Variants in CNTNAP4 observed in about 807,000 individuals in gnomAD.
CNTNAP4 encodes contactin associated protein family member 4.
In CNTNAP4, 98 loss-of-function variants were observed where a neutral mutation model predicts 148.4. That is an observed-to-expected ratio of 0.66 (90% CI 0.56 to 0.78). The LOEUF (loss-of-function observed/expected upper bound fraction) is 0.78. CNTNAP4 is among the 30% of genes least tolerant of loss of function. The pLI is 0.00. For missense variants in CNTNAP4, 1,935 were observed against 1,565.6 expected (o/e 1.24, Z -3.98); for synonymous variants, 730 against 565.1 (o/e 1.29, Z -4.14).
intron 11 of CNTNAP4, among the ~76,000 whole-genome samples, chr16:76,476,602 T>C (rs554277800): frequency 2.0e-5 from 3 of 152,276 alleles, no homozygotes; most frequent in African/African-American, 7.2e-5. Flanking sequence ...GCTGAGAAGT[T>C]CAAGATCAAG....
In CNTNAP4 at chr16:76,553,451, C is replaced by T; in HGVS notation, c.3611C>T (p.Ala1204Val). 1.2e-6 allele frequency: 2 copies of T among 1,612,468 alleles called. No individual in the cohort carries two copies. Among genetic ancestry groups the T allele is most frequent in the Non-Finnish European group, 8.5e-7 (1 of 1,179,300 alleles). Residue 1204 changes from alanine (A) to valine (V), a missense_variant, in exon 22 of 24, where the codon GCC becomes GTC. By Grantham distance (64) the Ala-to-Val change is moderately conservative (BLOSUM62 0). Transcript: ENST00000611870. ...CACGTGACTGAGTCCAGCTGTATGGCCCAGCCTGGCACTGATGCCACATCA... is the reference window on the plus strand; with the variant it reads ...CACGTGACTGAGTCCAGCTGTATGGTCCAGCCTGGCACTGATGCCACATCA... ...TGHVTESSCM[A>V]QPGTDATSRE...
rs960862397 is a variant in CNTNAP4 at position 76,499,063 on chromosome 16, CA to C, written c.2365+371del. Among the ~76,000 whole-genome samples the C allele has an allele frequency of 1.1e-4, 12 of 105,702 alleles. No individual in the cohort carries two copies. In the South Asian group the frequency reaches 3.9e-3, roughly 34 times the overall value. 69.3% of individuals were successfully genotyped at this position (105,702 alleles called of 152,430 possible). A position where few individuals can be genotyped will look rare whatever the true frequency, so the allele number is the denominator to read the frequency against. On this transcript the variant is annotated intron_variant, in intron 15 of 23. Transcript: ENST00000611870. ...TTCAAATTTTATGTATCTTTTACCA[CA>C]ATTTTTTTTTTTTTTTTTTTTGAGA... is the stretch of plus-strand genomic sequence containing the variant.
intron 15 of CNTNAP4, among the ~76,000 whole-genome samples, chr16:76,500,232 T>TG (rs1361740456): frequency 1.3e-5 from 2 of 151,832 alleles, no homozygotes; most frequent in African/African-American, 2.4e-5. Context: ...TGGCAGGGGC[T>TG]GCCCCCACCT....
At chr16:76,538,413 G>C in intron 19 of CNTNAP4, 73 bp downstream of exon 19, 1 of 1,153,118 alleles carries the variant, frequency 8.7e-7, no homozygotes, top group South Asian at 1.4e-5. Context: ...GATCATTCTC[G>C]TGTTCTGGCT....
intron 1 of CNTNAP4, among the ~76,000 whole-genome samples, chr16:76,314,704 C>G (rs563503911): frequency 2.7e-4 from 41 of 152,240 alleles, no homozygotes; most frequent in African/African-American, 9.9e-4. Flanking sequence ...AGGAATACCT[C>G]ACTTTCTGGG....
chr16:76,493,137 G>C (rs2082284166), intron 13 of CNTNAP4, among the ~76,000 whole-genome samples: 1 of 152,124 alleles, frequency 6.6e-6, no homozygotes, highest in South Asian at 2.1e-4. Context: ...AGTTAAAAGA[G>C]ACAGAACAAT....
At chr16:76,353,008 GCTTTATAAGCAT>G (rs1597290426) in intron 2 of CNTNAP4, among the ~76,000 whole-genome samples, 1 of 152,242 alleles carries the variant, frequency 6.6e-6, no homozygotes, top group East Asian at 1.9e-4. Flanking sequence ...AGAATATTCT[GCTTTATAAGCAT>G]AAAGGTAGAT....
Position 76,452,512 on chromosome 16 carries a change from A to G in CNTNAP4, c.1076A>G (p.Asn359Ser). ...QQKPQIIAMG[N>S]VSFSCSQPQS... is the part of the protein sequence containing the mutation. Reference sequence around the variant, plus strand: ...TTTCTTTTACTTTATTCTCAGGGAAATGTGTCATTTTCTTGTTCACAACCA... The same window carrying G: ...TTTCTTTTACTTTATTCTCAGGGAAGTGTGTCATTTTCTTGTTCACAACCA... Residue 359 changes from asparagine (N) to serine (S), a missense_variant, in exon 8 of 24, where the codon AAT (asparagine) becomes AGT (serine). Asn to Ser is a conservative substitution (Grantham distance 46). Transcript: ENST00000611870. The G allele has an allele frequency of 6.2e-7, 1 of 1,613,928 alleles. No homozygotes were observed. Among genetic ancestry groups the G allele is most frequent in the South Asian group, 1.1e-5 (1 of 91,082 alleles).
At chr16:76,556,623 G>C (rs1332728005) in intron 23 of CNTNAP4, among the ~76,000 whole-genome samples, 1 of 152,182 alleles carries the variant, frequency 6.6e-6, no homozygotes, top group Non-Finnish European at 1.5e-5. Flanking sequence ...CTTCAAGCCA[G>C]AGGCCTATAA....
At chr16:76,411,263 T>A (rs536329072) in intron 3 of CNTNAP4, among the ~76,000 whole-genome samples, 1 of 151,590 alleles carries the variant, frequency 6.6e-6, no homozygotes, top group Non-Finnish European at 1.5e-5. Flanking sequence ...CTAAAGCACA[T>A]ATTTAAGTTT....
chr16:76,557,399 A>G (rs2085241742), intron 23 of CNTNAP4: 1 of 152,200 alleles, frequency 6.6e-6, no homozygotes, highest in South Asian at 2.1e-4. Flanking sequence ...TCACAACTCA[A>G]AGGTTCACGT....
intron 1 of CNTNAP4, among the ~76,000 whole-genome samples, chr16:76,281,188 A>C (rs1567565620): frequency 3.3e-5 from 5 of 152,026 alleles, no homozygotes. Flanking sequence ...ACATTGTTAA[A>C]ACTCAACCTT....
At chr16:76,309,982 A>G (rs749483374) in intron 1 of CNTNAP4, 32 of 672,008 alleles carry the variant, frequency 4.8e-5, no homozygotes, top group African/African-American at 7.7e-5. Flanking sequence ...GGACTAAAAC[A>G]GGGGCCAGTT....
Position 76,364,233 on chromosome 16 carries a change from CAAAAAAAAAA to C in CNTNAP4, c.390+8739_390+8748del, listed in dbSNP as rs58589609. Among the ~76,000 whole-genome samples the C allele has an allele frequency of 1.7e-3, 84 of 48,184 alleles. No individual in the cohort carries two copies. In the South Asian group the frequency reaches 0.065, roughly 37 times the overall value. The allele number at this position is 48,184 out of a possible 152,430, so 31.6% of individuals were successfully genotyped here. ...TGGGCAACAGAGCGAGATTCCATCT[CAAAAAAAAAA>C]AAAAAAAAAAAAAAAACAGAAAAGA... is the stretch of plus-strand genomic sequence containing the variant. On this transcript the variant is annotated intron_variant, in intron 3 of 23. Coordinates refer to ENST00000611870, the MANE Select transcript of CNTNAP4 (RefSeq NM_033401.5).
chr16:76,551,840 C>T lies in CNTNAP4; in HGVS notation c.3443-1443C>T, dbSNP rs561135132. 7.9e-5 allele frequency among the ~76,000 whole-genome samples: 12 copies of T among 152,152 alleles called. No homozygotes were observed. In the East Asian group the frequency reaches 2.3e-3, roughly 29 times the overall value. On this transcript the variant is annotated intron_variant, in intron 21 of 23. Transcript: ENST00000611870. ...CCTGGGAACGTAGATTCAAGTTGCC[C>T]TGAATATACACTCCCATATTATTAT...
intron 2 of CNTNAP4, among the ~76,000 whole-genome samples, chr16:76,354,754 G>T (rs1164058331): frequency 6.6e-6 from 1 of 152,198 alleles, no homozygotes; most frequent in Non-Finnish European, 1.5e-5. Flanking sequence ...TCATTAATGT[G>T]TGTTTCAAAT....
At chr16:76,298,125 C>A (rs1959506696) in intron 1 of CNTNAP4, among the ~76,000 whole-genome samples, 1 of 152,088 alleles carries the variant, frequency 6.6e-6, no homozygotes, top group African/African-American at 2.4e-5. Flanking sequence ...CACAGCTGAG[C>A]ACACATTTTT....
At chr16:76,380,082 A>C (rs1285309471) in intron 3 of CNTNAP4, among the ~76,000 whole-genome samples, 1 of 152,216 alleles carries the variant, frequency 6.6e-6, no homozygotes, top group Non-Finnish European at 1.5e-5. Flanking sequence ...TTCAGATAAA[A>C]CGCAAGTCTG....
chr16:76,476,702 T>A (rs561957498), intron 11 of CNTNAP4, among the ~76,000 whole-genome samples: 1 of 152,176 alleles, frequency 6.6e-6, no homozygotes, highest in South Asian at 2.1e-4. Flanking sequence ...GGTGAGGGAT[T>A]TCTCTGGGAA....
Sources: gnomAD v4.1 joint callset for allele counts (sites outside exome capture counted in the v4.1 genomes callset) on GRCh38, gnomAD v4.1.1 for gene constraint, MANE v1.5 for transcripts, NCBI Gene and HGNC (gene_info 2026-07-23, HGNC 2026-07-21) for gene names.